The following RHOBTB1 variants were observed in gnomAD, a reference collection of about 807,000 sequenced individuals.
RHOBTB1 encodes rho-related BTB domain-containing protein 1.
A neutral mutation model predicts 71.6 loss-of-function variants in RHOBTB1; 40 were observed. The observed-to-expected ratio is 0.56, with a 90% CI of 0.43 to 0.73. The LOEUF is 0.73. Among genes scored for constraint, RHOBTB1 ranks in the 30% least tolerant of loss-of-function variants. RHOBTB1 has a pLI of 0.00. For synonymous variants in RHOBTB1, 319 were observed against 334.9 expected, an observed-to-expected ratio of 0.95 and a Z score of 0.52; for missense variants, 797 against 894.0, an observed-to-expected ratio of 0.89 and a Z score of 1.38.
chr10:60,997,464 A>T (rs2087098022), intron 1 of RHOBTB1, among the ~76,000 whole-genome samples: 1 of 152,252 alleles, frequency 6.6e-6, no homozygotes, highest in Non-Finnish European at 1.5e-5. Flanking sequence ...GTTTGTTTAT[A>T]AAATGTAATA....
chr10:61,000,978 T>G (rs2087243165), intron 1 of RHOBTB1, among the ~76,000 whole-genome samples: 1 of 152,024 alleles, frequency 6.6e-6, no homozygotes, highest in South Asian at 2.1e-4. Context: ...CAGCCCAGAT[T>G]CTTATCTTTT....
At chr10:60,998,168 G>A (rs1345110028) in intron 1 of RHOBTB1, among the ~76,000 whole-genome samples, 1 of 152,186 alleles carries the variant, frequency 6.6e-6, no homozygotes, top group Non-Finnish European at 1.5e-5. Context: ...ATGGTACTCA[G>A]ATCTCCATTC....
chr10:60,982,352 T>A (rs1469546170), intron 2 of RHOBTB1, among the ~76,000 whole-genome samples: 1 of 152,206 alleles, frequency 6.6e-6, no homozygotes, highest in Non-Finnish European at 1.5e-5. Context: ...TTAGGTGATG[T>A]GGAGTTCCTT....
At chr10:60,880,314 C>CATACTTATGTATAATGCTTATTATACAT (rs2081273259) in intron 7 of RHOBTB1, among the ~76,000 whole-genome samples, 1 of 151,286 alleles carries the variant, frequency 6.6e-6, no homozygotes, top group Non-Finnish European at 1.5e-5. Context: ...CCACATTCTA[C>CATACTTATGTATAATGCTTATTATACAT]AAGGTGCTTA....
chr10:60,873,320 G>C (rs1314177031), intron 9 of RHOBTB1, among the ~76,000 whole-genome samples: 2 of 152,180 alleles, frequency 1.3e-5, no homozygotes, highest in Non-Finnish European at 2.9e-5. Flanking sequence ...CATCAGCCAT[G>C]ATGGGAGTAT....
chr10:60,993,869 G>A (rs2086952816), intron 1 of RHOBTB1, among the ~76,000 whole-genome samples: 1 of 151,486 alleles, frequency 6.6e-6, no homozygotes, highest in South Asian at 2.1e-4. Flanking sequence ...TAATTCTTTT[G>A]TAGTAATTAA....
Position 60,888,824 on chromosome 10 carries a change from G to T in RHOBTB1, c.844C>A (p.Arg282=), listed in dbSNP as rs1405981772. The T allele has an allele frequency of 2.5e-6, 4 of 1,614,066 alleles. No individual in the cohort carries two copies. The highest frequency in any genetic ancestry group is 2.5e-6 in the Non-Finnish European group (3 of 1,180,044). The change falls in exon 6 of 11, where the codon CGA becomes AGA. Residue 282 remains arginine, a synonymous_variant. Coordinates refer to ENST00000337910, the MANE Select transcript of RHOBTB1 (RefSeq NM_014836.5). The part of the protein sequence containing the change: ...LQDQEHIFAH[R]IYLATSSSKF... Reference sequence around the variant, plus strand: ...GAAGAAGAGGTAGCGAGGTAAATTCGATGTGCAAAGATGTGTTCCTGGTCC... The same window carrying T: ...GAAGAAGAGGTAGCGAGGTAAATTCTATGTGCAAAGATGTGTTCCTGGTCC...
intron 2 of RHOBTB1, among the ~76,000 whole-genome samples, chr10:60,957,324 G>C (rs2085628545): frequency 6.6e-6 from 1 of 152,154 alleles, no homozygotes; most frequent in Non-Finnish European, 1.5e-5. Flanking sequence ...TTGTACATTT[G>C]TTTACAGCAG....
intron 2 of RHOBTB1, among the ~76,000 whole-genome samples, chr10:60,923,680 T>C (rs1241509218): frequency 6.6e-6 from 1 of 152,186 alleles, no homozygotes; most frequent in Admixed American, 6.5e-5. Flanking sequence ...CTAATTCCCA[T>C]GTGTTGTGAG....
intron 2 of RHOBTB1, among the ~76,000 whole-genome samples, chr10:60,961,393 G>A (rs2085771944): frequency 2.0e-5 from 3 of 152,142 alleles, no homozygotes; most frequent in African/African-American, 4.8e-5. Context: ...CTCCAAAAGG[G>A]GGGCAAATAA....
chr10:60,964,155 C>T (rs1471720169), intron 2 of RHOBTB1, among the ~76,000 whole-genome samples: 4 of 152,038 alleles, frequency 2.6e-5, no homozygotes, highest in Non-Finnish European at 5.9e-5. Flanking sequence ...AAAAATATAA[C>T]GCATGCAACG....
At chr10:60,896,300 A>G (rs1787698116) in intron 4 of RHOBTB1, among the ~76,000 whole-genome samples, 2 of 152,224 alleles carry the variant, frequency 1.3e-5, no homozygotes, top group South Asian at 4.1e-4. Context: ...ACATTTTTTA[A>G]CTTTGAAGAG....
In RHOBTB1 at chr10:60,992,899, TTC is replaced by T. The variant is rs1380105339; in HGVS notation, c.-162-6956_-162-6955del. 4.6e-5 allele frequency among the ~76,000 whole-genome samples: 7 copies of T among 152,154 alleles called. No individual in the cohort carries two copies. In the East Asian group the frequency reaches 1.3e-3, roughly 29 times the overall value. On this transcript the variant is annotated intron_variant, in intron 1 of 11. Coordinates refer to the RHOBTB1 transcript ENST00000357917. ...GAGAATGCCACAAATCCACATAATGTTCTAAAGAAGCCAGTTATTGTATTTGC... is the reference window on the plus strand; with the variant it reads ...GAGAATGCCACAAATCCACATAATGTTAAAGAAGCCAGTTATTGTATTTGC...
upstream of RHOBTB1, among the ~76,000 whole-genome samples, chr10:60,948,738 T>C (rs2085316423): frequency 6.6e-6 from 1 of 152,086 alleles, no homozygotes; most frequent in Non-Finnish European, 1.5e-5. Flanking sequence ...GGTAGAAAGG[T>C]ATATTGGGAA....
intron 6 of RHOBTB1, 139 bp downstream of exon 6, chr10:60,888,073 G>T: frequency 1.0e-6 from 1 of 980,440 alleles, no homozygotes; most frequent in Non-Finnish European, 1.5e-6. Context: ...GTTAATGCCT[G>T]TAGCTTAGAA....
intron 2 of RHOBTB1, among the ~76,000 whole-genome samples, chr10:60,950,781 T>G (rs577517185): frequency 6.6e-6 from 1 of 152,330 alleles, no homozygotes; most frequent in Middle Eastern, 3.4e-3. Context: ...GCATAGGGTA[T>G]CATTTGATTT....
chr10:60,982,942 C>G (rs2086550455), intron 2 of RHOBTB1, among the ~76,000 whole-genome samples: 1 of 152,074 alleles, frequency 6.6e-6, no homozygotes, highest in South Asian at 2.1e-4. Context: ...AAAGGCGGTG[C>G]ACATGACATA....
At chr10:60,954,692 T>C (rs916685789) in intron 2 of RHOBTB1, among the ~76,000 whole-genome samples, 1 of 152,134 alleles carries the variant, frequency 6.6e-6, no homozygotes, top group Non-Finnish European at 1.5e-5. Flanking sequence ...AGGAGAAAAA[T>C]TGGATGGAAG....
chr10:60,915,037 A>T (rs1346657587), intron 2 of RHOBTB1, among the ~76,000 whole-genome samples: 1 of 152,240 alleles, frequency 6.6e-6, no homozygotes, highest in Non-Finnish European at 1.5e-5. Flanking sequence ...TTTTATTTGG[A>T]GTAGAAATTT....
Sources: allele counts gnomAD v4.1 joint callset (sites outside exome capture counted in the v4.1 genomes callset), GRCh38; gene constraint gnomAD v4.1.1; transcripts MANE v1.5; gene names NCBI Gene and HGNC (gene_info 2026-07-23, HGNC 2026-07-21).